ADORA1: variants seen among roughly 807,000 people sequenced by gnomAD.
ADORA1 encodes the protein adenosine A1 receptor.
A neutral mutation model predicts 19.9 loss-of-function variants in ADORA1; 6 were observed. That is an observed-to-expected ratio of 0.30 (90% CI 0.17 to 0.59). The LOEUF is 0.59. Ranked by LOEUF, ADORA1 falls within the 20% of genes least tolerant of loss-of-function variation. ADORA1 has a pLI of 0.87. For missense variants in ADORA1, 302 were observed against 439.2 expected (o/e 0.69, Z 2.79); for synonymous variants, 194 against 188.4 (o/e 1.03, Z -0.24).
chr1:203,141,814 C>G (rs1394312481), intron 3 of ADORA1, among the ~76,000 whole-genome samples: 1 of 152,074 alleles, frequency 6.6e-6, no homozygotes, highest in Non-Finnish European at 1.5e-5. Flanking sequence ...AACTCCTGGC[C>G]TCAAGCGATC....
intron 3 of ADORA1, among the ~76,000 whole-genome samples, chr1:203,157,598 G>A (rs528705670): frequency 6.6e-6 from 1 of 152,368 alleles, no homozygotes; most frequent in East Asian, 1.9e-4. Context: ...GATCTCTGTG[G>A]TGGCTCTGTC....
chr1:203,155,089 C>T (rs1332584455), intron 3 of ADORA1, among the ~76,000 whole-genome samples: 1 of 151,124 alleles, frequency 6.6e-6, no homozygotes, highest in East Asian at 1.9e-4. Flanking sequence ...GCTCTGTCAC[C>T]CAGGCTGGAG....
intron 3 of ADORA1, among the ~76,000 whole-genome samples, chr1:203,152,105 C>G (rs1352369149): frequency 6.6e-6 from 1 of 152,232 alleles, no homozygotes; most frequent in African/African-American, 2.4e-5. Flanking sequence ...CAGAAAAGAT[C>G]TCATTCAATC....
chr1:203,157,589 A>T (rs913039758), intron 3 of ADORA1, among the ~76,000 whole-genome samples: 1 of 151,962 alleles, frequency 6.6e-6, no homozygotes, highest in African/African-American at 2.4e-5. Flanking sequence ...CTGGTGAGGG[A>T]TCTCTGTGGT....
intron 3 of ADORA1, among the ~76,000 whole-genome samples, chr1:203,144,475 C>G (rs992947406): frequency 6.6e-6 from 1 of 152,106 alleles, no homozygotes; most frequent in African/African-American, 2.4e-5. Flanking sequence ...ATGAAGAGGT[C>G]CTAATAGTAT....
chr1:203,146,489 TGTG>T (rs1255664703), intron 3 of ADORA1, among the ~76,000 whole-genome samples: 1 of 151,688 alleles, frequency 6.6e-6, no homozygotes, highest in Non-Finnish European at 1.5e-5. Context: ...ATTAGCCAGA[TGTG>T]GTGGTGTGAT....
At chr1:203,139,474 T>G (rs996988188) in intron 3 of ADORA1, among the ~76,000 whole-genome samples, 5 of 151,570 alleles carry the variant, frequency 3.3e-5, no homozygotes, top group African/African-American at 1.2e-4. Context: ...AGTGGGAGAG[T>G]GACTAGGCTC....
chr1:203,161,881 G>A (rs1655381754), intron 3 of ADORA1, among the ~76,000 whole-genome samples: 2 of 152,172 alleles, frequency 1.3e-5, no homozygotes, highest in African/African-American at 4.8e-5. Context: ...GGCCCCCTCA[G>A]GGCTATCTTT....
intron 3 of ADORA1, among the ~76,000 whole-genome samples, chr1:203,156,015 C>T (rs574881949): frequency 6.6e-6 from 1 of 152,232 alleles, no homozygotes; most frequent in African/African-American, 2.4e-5. Flanking sequence ...CTTGAGCAAT[C>T]ATTTCTGAAT....
intron 3 of ADORA1, among the ~76,000 whole-genome samples, chr1:203,163,243 G>A (rs537841553): frequency 1.7e-4 from 26 of 152,172 alleles, no homozygotes; most frequent in Admixed American, 1.6e-3. Flanking sequence ...AATACTGGTC[G>A]GATGTTTACA....
rs542850090 is a variant in ADORA1 at position 203,140,153 on chromosome 1, A to G, written c.341+10971A>G. ...AAAATCAATCAGTGTAATTCATCAC[A>G]CCAACATAAGAGGGTCACTCTGCCT... On this transcript the variant is annotated intron_variant, in intron 3 of 3. Coordinates refer to ENST00000337894, the MANE Select transcript of ADORA1 (RefSeq NM_000674.3). Among the ~76,000 whole-genome samples, 23 of 152,326 alleles carry G rather than the reference A, an allele frequency of 1.5e-4. No individual in the cohort carries two copies. The East Asian group carries it at 4.4e-3, about 29-fold the overall frequency.
At chr1:203,161,023 A>C (rs1035735726) in intron 3 of ADORA1, among the ~76,000 whole-genome samples, 2 of 152,204 alleles carry the variant, frequency 1.3e-5, no homozygotes, top group African/African-American at 4.8e-5. Context: ...CTATTTGGAC[A>C]CAGGATTTGC....
intron 3 of ADORA1, among the ~76,000 whole-genome samples, chr1:203,130,951 C>A (rs1212462652): frequency 6.6e-6 from 1 of 152,172 alleles, no homozygotes; most frequent in African/African-American, 2.4e-5. Flanking sequence ...GAGTTCAAAT[C>A]CTTGCTGGGA....
intron 3 of ADORA1, among the ~76,000 whole-genome samples, chr1:203,158,455 A>C (rs1259010807): frequency 6.6e-6 from 1 of 152,162 alleles, no homozygotes; most frequent in Non-Finnish European, 1.5e-5. Flanking sequence ...GACCATTCAA[A>C]TCATCCCTTA....
chr1:203,135,523 T>G (rs1654477485), intron 3 of ADORA1, among the ~76,000 whole-genome samples: 1 of 152,002 alleles, frequency 6.6e-6, no homozygotes, highest in African/African-American at 2.4e-5. Flanking sequence ...ATGGGCATGG[T>G]GGTGCACGAC....
rs1397787504 is a variant in ADORA1, at chr1:203,165,903, C to T, written c.*3C>T. The T allele has an allele frequency of 1.3e-6, 2 of 1,545,252 alleles. No individual in the cohort carries two copies. The highest frequency in any genetic ancestry group is 4.5e-5 in the East Asian group (2 of 44,252). On this transcript the variant is annotated 3_prime_UTR_variant, in exon 4 of 4. Coordinates refer to ENST00000337894, the MANE Select transcript of ADORA1 (RefSeq NM_000674.3). The surrounding 1 kb of genome is among the most constrained non-coding windows in gnomAD (Gnocchi z 5.9). ...CAGAAGAGAGGCCTGATGACTAGACCCCGCCTTCCGCTCCCACCAGCCCAC... is the reference window on the plus strand; with the variant it reads ...CAGAAGAGAGGCCTGATGACTAGACTCCGCCTTCCGCTCCCACCAGCCCAC...
At chr1:203,151,788 G>GCATTCATTCATTCATTCATTCATTCATT (rs34226911) in intron 3 of ADORA1, among the ~76,000 whole-genome samples, 2 of 151,208 alleles carry the variant, frequency 1.3e-5, no homozygotes, top group African/African-American at 2.4e-5. Context: ...ATGCATGCAT[G>GCATTCATTCATTCATTCATTCATTCATT]CATTCATTCA....
rs750748374 is a variant in ADORA1, at chr1:203,128,367, C to T, written c.-123C>T. The T allele has an allele frequency of 7.8e-7, 1 of 1,290,286 alleles. No individual in the cohort carries two copies. The highest frequency in any genetic ancestry group is 2.3e-5 in the Admixed American group (1 of 43,552). 79.9% of individuals were successfully genotyped at this position (1,290,286 alleles called of 1,614,324 possible). On this transcript the variant is annotated 5_prime_UTR_variant, in exon 2 of 4. Transcript: ENST00000337894. The surrounding 1 kb of genome is among the most constrained non-coding windows in gnomAD (Gnocchi z 5.9). ...CAGCCCAGCCCTACCGCGCGCGGCC[C>T]GGAGCTCTGTTCCCTGGAACTTTGG...
intron 3 of ADORA1, among the ~76,000 whole-genome samples, chr1:203,136,841 A>G (rs1654527099): frequency 6.6e-6 from 1 of 152,180 alleles, no homozygotes; most frequent in African/African-American, 2.4e-5. Context: ...GTACAGATAG[A>G]CCTACTCATT....
Sources: allele counts gnomAD v4.1 joint callset (sites outside exome capture counted in the v4.1 genomes callset), GRCh38; gene constraint gnomAD v4.1.1; non-coding constraint Gnocchi (gnomAD v3.1); transcripts MANE v1.5; gene names NCBI Gene and HGNC (gene_info 2026-07-23, HGNC 2026-07-21).